PTN: variants seen among roughly 807,000 people sequenced by gnomAD.
PTN encodes heparin affin regulatory protein.
A neutral mutation model predicts 24.1 loss-of-function variants in PTN; 18 were observed. The ratio of observed to expected loss-of-function variants is 0.75; its 90% CI spans 0.52 to 1.11. PTN has a LOEUF of 1.11. Ranked by LOEUF, PTN falls within the 50% of genes least tolerant of loss-of-function variation. The probability of loss-of-function intolerance (pLI) is 0.00; values close to 1 mark genes in which losing one functional copy is unlikely to be tolerated. For missense variants in PTN, 163 were observed against 198.8 expected, an observed-to-expected ratio of 0.82 and a Z score of 1.08; for synonymous variants, 78 against 68.6, an observed-to-expected ratio of 1.14 and a Z score of -0.67.
chr7:137,237,119 G>C (rs1017274565), intron 4 of PTN, among the ~76,000 whole-genome samples: 1 of 152,098 alleles, frequency 6.6e-6, no homozygotes, highest in Admixed American at 6.6e-5. Context: ...TTGTATCTCA[G>C]AGTGAGAACA....
chr7:137,300,047 C>T (rs979126646), intron 1 of PTN, among the ~76,000 whole-genome samples: 2 of 151,160 alleles, frequency 1.3e-5, no homozygotes, highest in Non-Finnish European at 2.9e-5. Flanking sequence ...AGTGGCTGCC[C>T]GCCATGGGAG....
chr7:137,273,960 C>G (rs963446948), intron 1 of PTN, among the ~76,000 whole-genome samples: 10 of 151,998 alleles, frequency 6.6e-5, no homozygotes, highest in African/African-American at 2.4e-4. Flanking sequence ...CTCACTTTTG[C>G]TTATTTGTTT....
intron 1 of PTN, among the ~76,000 whole-genome samples, chr7:137,324,433 A>AAAAAAAAAAAAAAAAAAATATAT: frequency 1.0e-4 from 9 of 88,760 alleles, no homozygotes; most frequent in African/African-American, 4.8e-4. Flanking sequence ...AAAAAAAAAA[A>AAAAAAAAAAAAAAAAAAATATAT]ATATATATAT....
intron 3 of PTN, among the ~76,000 whole-genome samples, chr7:137,251,737 A>T (rs980603125): frequency 4.0e-5 from 6 of 151,786 alleles, no homozygotes; most frequent in African/African-American, 1.2e-4. Context: ...TCTGTTCTCT[A>T]GCTCTATCAT....
At chr7:137,266,046 G>T (rs1032987547) in intron 1 of PTN, among the ~76,000 whole-genome samples, 1 of 151,930 alleles carries the variant, frequency 6.6e-6, no homozygotes, top group African/African-American at 2.4e-5. Flanking sequence ...ATAAAACCTT[G>T]TAGACATATT....
At chr7:137,330,003 T>C (rs922021918) in intron 1 of PTN, among the ~76,000 whole-genome samples, 2 of 152,106 alleles carry the variant, frequency 1.3e-5, no homozygotes, top group African/African-American at 2.4e-5. Context: ...ATAATGCCAG[T>C]TGGTCGGGTG....
chr7:137,293,977 T>C (rs1007015215), intron 1 of PTN, among the ~76,000 whole-genome samples: 7 of 152,136 alleles, frequency 4.6e-5, no homozygotes, highest in Non-Finnish European at 5.9e-5. Context: ...TGTTTTGATA[T>C]ATCATGCAAG....
intron 1 of PTN, among the ~76,000 whole-genome samples, chr7:137,299,494 A>G (rs1328120854): frequency 6.6e-6 from 1 of 151,908 alleles, no homozygotes; most frequent in Non-Finnish European, 1.5e-5. Context: ...ACTACTCCCC[A>G]TAAGGTCCCC....
chr7:137,306,986 AT>A (rs1343876817), intron 1 of PTN, among the ~76,000 whole-genome samples: 1 of 152,036 alleles, frequency 6.6e-6, no homozygotes, highest in African/African-American at 2.4e-5. Context: ...TATGAAAATA[AT>A]GGGTTTGAGG....
chr7:137,317,725 C>T (rs1810095759), intron 1 of PTN, among the ~76,000 whole-genome samples: 1 of 152,132 alleles, frequency 6.6e-6, no homozygotes, highest in Admixed American at 6.6e-5. Flanking sequence ...AATACTTAAA[C>T]AATACTGCAT....
At chr7:137,234,314 G>T (rs1044209504) in intron 4 of PTN, among the ~76,000 whole-genome samples, 1 of 151,882 alleles carries the variant, frequency 6.6e-6, no homozygotes, top group African/African-American at 2.4e-5. Context: ...ATCATCGAAT[G>T]CTTAAATTTT....
intron 1 of PTN, among the ~76,000 whole-genome samples, chr7:137,340,322 T>C (rs921641671): frequency 1.3e-5 from 2 of 152,202 alleles, no homozygotes; most frequent in South Asian, 4.1e-4. Context: ...TAATTTCTTA[T>C]TTACTAAATG....
At chr7:137,259,131 A>G (rs1219980638) in intron 1 of PTN, among the ~76,000 whole-genome samples, 1 of 152,160 alleles carries the variant, frequency 6.6e-6, no homozygotes, top group African/African-American at 2.4e-5. Flanking sequence ...CTGAAACTCA[A>G]TGATTAAAAG....
At chr7:137,340,641 G>A (rs954381567) in intron 1 of PTN, among the ~76,000 whole-genome samples, 1 of 152,180 alleles carries the variant, frequency 6.6e-6, no homozygotes, top group Non-Finnish European at 1.5e-5. Context: ...GTGCCAGAAG[G>A]AGGCAAAAAC....
intron 4 of PTN, among the ~76,000 whole-genome samples, chr7:137,238,861 T>C (rs1808570449): frequency 6.6e-6 from 1 of 152,074 alleles, no homozygotes; most frequent in African/African-American, 2.4e-5. Flanking sequence ...ACTCAATAAA[T>C]AACAACAGGT....
At chr7:137,271,574 T>G (rs1048237146) in intron 1 of PTN, among the ~76,000 whole-genome samples, 4 of 152,262 alleles carry the variant, frequency 2.6e-5, no homozygotes. Flanking sequence ...GGTATGTTTG[T>G]TCAATTATTC....
intron 1 of PTN, among the ~76,000 whole-genome samples, chr7:137,301,757 C>G (rs1809809664): frequency 6.6e-6 from 1 of 151,830 alleles, no homozygotes; most frequent in African/African-American, 2.4e-5. Flanking sequence ...TTTGCTTGTT[C>G]TTTGAACTCA....
chr7:137,316,204 A>G (rs998657130), intron 1 of PTN, among the ~76,000 whole-genome samples: 1 of 152,154 alleles, frequency 6.6e-6, no homozygotes, highest in African/African-American at 2.4e-5. Context: ...GGTCTGAAAT[A>G]CTTTTCCCAG....
At chr7:137,240,179 AATT>A (rs1268727937) in intron 4 of PTN, among the ~76,000 whole-genome samples, 1 of 152,082 alleles carries the variant, frequency 6.6e-6, no homozygotes, top group Non-Finnish European at 1.5e-5. Flanking sequence ...TTACTGATTT[AATT>A]ATTATTTATT....
Sources: allele counts gnomAD v4.1 joint callset (sites outside exome capture counted in the v4.1 genomes callset), GRCh38; gene constraint gnomAD v4.1.1; transcripts MANE v1.5; gene names NCBI Gene and HGNC (gene_info 2026-07-23, HGNC 2026-07-21).